Variants in DNAH3 observed in about 807,000 individuals in gnomAD.
DNAH3 encodes the protein axonemal beta dynein heavy chain 3.
A neutral mutation model predicts 432.5 loss-of-function variants in DNAH3; 332 were observed. The ratio of observed to expected loss-of-function variants is 0.77; its 90% confidence interval spans 0.70 to 0.84. DNAH3 has a LOEUF of 0.84. Ranked by LOEUF, DNAH3 falls within the 40% of genes least tolerant of loss-of-function variation. The probability of loss-of-function intolerance (pLI) is 0.00; values close to 1 mark genes in which losing one functional copy is unlikely to be tolerated. For missense variants in DNAH3, 4,861 were observed against 5,114.0 expected, an observed-to-expected ratio of 0.95 and a Z score of 1.51; for synonymous variants, 1,956 against 1,900.2, an observed-to-expected ratio of 1.03 and a Z score of -0.76.
At chr16:20,952,154 A>C (rs970208005) in intron 56 of DNAH3, among the ~76,000 whole-genome samples, 1 of 152,214 alleles carries the variant, frequency 6.6e-6, no homozygotes, top group Non-Finnish European at 1.5e-5. Flanking sequence ...CTGAGATTAC[A>C]GGCATGAGCC....
chr16:21,116,782 A>G (rs1695306513), intron 12 of DNAH3, among the ~76,000 whole-genome samples: 2 of 152,248 alleles, frequency 1.3e-5, no homozygotes, highest in African/African-American at 4.8e-5. Context: ...TGGCCTGAAC[A>G]GATATGAGGC....
intron 59 of DNAH3, among the ~76,000 whole-genome samples, chr16:20,940,034 C>A (rs1405368663): frequency 6.6e-6 from 1 of 152,192 alleles, no homozygotes; most frequent in Non-Finnish European, 1.5e-5. Flanking sequence ...GCCTATAATA[C>A]CCCTAACTGT....
At chr16:20,962,854 T>C (rs2084887000) in intron 53 of DNAH3, among the ~76,000 whole-genome samples, 1 of 152,152 alleles carries the variant, frequency 6.6e-6, no homozygotes, top group South Asian at 2.1e-4. Flanking sequence ...AATGGAGGTC[T>C]CACTATGTTG....
At chr16:20,970,299 G>GGATCA (rs1468122841) in intron 51 of DNAH3, among the ~76,000 whole-genome samples, 1 of 152,158 alleles carries the variant, frequency 6.6e-6, no homozygotes, top group African/African-American at 2.4e-5. Flanking sequence ...CCAACGTGGT[G>GGATCA]GATCACTTGA....
exon 33 of DNAH3, chr16:21,039,929 T>A: frequency 1.2e-6 from 2 of 1,613,694 alleles, no homozygotes; most frequent in Non-Finnish European, 1.7e-6. Context: ...TCATGGCCAC[T>A]GTCCGGAACA....
intron 56 of DNAH3, among the ~76,000 whole-genome samples, chr16:20,951,931 G>A (rs925845687): frequency 2.6e-5 from 4 of 151,326 alleles, no homozygotes; most frequent in African/African-American, 9.7e-5. Context: ...TTTTAGTAGA[G>A]ACAGGTTTTC....
chr16:20,955,491 A>T (rs2084522055), intron 54 of DNAH3, among the ~76,000 whole-genome samples: 2 of 150,702 alleles, frequency 1.3e-5, no homozygotes, highest in African/African-American at 4.9e-5. Context: ...GTAGAGATGG[A>T]GTCCCTCTAT....
At chr16:20,997,538 A>G (rs78048221) in intron 43 of DNAH3, 76 bp from the exon 44 acceptor site, 3 of 1,506,940 alleles carry the variant, frequency 2.0e-6, no homozygotes, top group East Asian at 2.3e-5. Context: ...ACAGATGGCA[A>G]TTCCCCTGTA....
At chr16:20,987,340 T>C (rs757123697) in exon 47 of DNAH3, 10 of 1,614,062 alleles carry the variant, frequency 6.2e-6, no homozygotes, top group Non-Finnish European at 8.5e-6. Flanking sequence ...TTGGAGGTGG[T>C]TTCCTTCACC....
At chr16:20,944,384 G>C (rs1374906403) in intron 58 of DNAH3, 112 bp downstream of exon 58, 1 of 1,276,936 alleles carries the variant, frequency 7.8e-7, no homozygotes, top group Non-Finnish European at 1.1e-6. Flanking sequence ...TTGGCCAGGA[G>C]GCTGCCAGGC....
At chr16:21,106,776 T>C in intron 14 of DNAH3, 102 bp from the exon 15 acceptor site, 9 of 1,057,828 alleles carry the variant, frequency 8.5e-6, no homozygotes, top group Non-Finnish European at 1.0e-5. Context: ...ACATAATTCC[T>C]ATTTGAAAAA....
chr16:21,157,071 T>C (rs1425224034), intron 1 of DNAH3, among the ~76,000 whole-genome samples: 1 of 151,772 alleles, frequency 6.6e-6, no homozygotes, highest in East Asian at 1.9e-4. Flanking sequence ...CTGAACAAAG[T>C]GCATGACGCC....
exon 54 of DNAH3, chr16:20,959,269 T>C: frequency 1.2e-6 from 2 of 1,614,216 alleles, no homozygotes; most frequent in East Asian, 2.2e-5. Flanking sequence ...GTGGCAGTTC[T>C]GTAAGACCAC....
At chr16:20,933,594 AGT>A in intron 61 of DNAH3, 87 bp from the exon 62 acceptor site, 1 of 1,088,426 alleles carries the variant, frequency 9.2e-7, no homozygotes, top group South Asian at 1.6e-5. Context: ...TGATACTCAA[AGT>A]GCAACCTGGT....
At chr16:21,115,498 G>A (rs2092170323) in intron 12 of DNAH3, among the ~76,000 whole-genome samples, 1 of 151,860 alleles carries the variant, frequency 6.6e-6, no homozygotes, top group African/African-American at 2.4e-5. Flanking sequence ...CCTAAGGTCA[G>A]GAGTTTGAAA....
At chr16:21,062,542 C>T (rs745513119) in exon 25 of DNAH3, 1 of 1,614,198 alleles carries the variant, frequency 6.2e-7, no homozygotes, top group South Asian at 1.1e-5. Flanking sequence ...CCGAGCTGAT[C>T]ATGCCCACAA....
At chr16:21,023,987 A>G (rs775432738) in intron 39 of DNAH3, among the ~76,000 whole-genome samples, 6 of 152,134 alleles carry the variant, frequency 3.9e-5, no homozygotes, top group Admixed American at 6.5e-5. Context: ...TAAGCATTCT[A>G]TTAACACAGG....
chr16:21,035,098 G>T (rs570398758), intron 35 of DNAH3, among the ~76,000 whole-genome samples: 3 of 152,250 alleles, frequency 2.0e-5, no homozygotes, highest in East Asian at 1.9e-4. Flanking sequence ...AGGTCAAGGT[G>T]GGGGGATCAT....
Position 21,007,212 on chromosome 16 carries a change from C to CTT in DNAH3, c.6023-4007_6023-4006dup, listed in dbSNP as rs1269851987. On this transcript the variant is annotated intron_variant, in intron 41 of 61. Coordinates refer to ENST00000261383, the Ensembl canonical transcript of DNAH3. Reference sequence around the variant, plus strand: ...TGGGCTTATTGGCCATTTGTATATCCTTTTTTTTTTTTTTTGAGGCAGGGT... The same window carrying CTT: ...TGGGCTTATTGGCCATTTGTATATCCTTTTTTTTTTTTTTTTTGAGGCAGGGT... Among the ~76,000 whole-genome samples the CTT allele has an allele frequency of 1.8e-3, 247 of 140,642 alleles. 1 individual carries two copies. Among genetic ancestry groups the CTT allele is most frequent in the African/African-American group, 5.4e-3 (208 of 38,444 alleles). The allele number at this position is 140,642 out of a possible 152,430, so 92.3% of individuals were successfully genotyped here. A position where few individuals can be genotyped will look rare whatever the true frequency, so the allele number is the denominator to read the frequency against.
Sources: allele counts gnomAD v4.1 joint callset (sites outside exome capture counted in the v4.1 genomes callset), GRCh38; gene constraint gnomAD v4.1.1; transcripts MANE v1.5; gene names NCBI Gene and HGNC (gene_info 2026-07-23, HGNC 2026-07-21).